The following IQSEC1 variants were observed in gnomAD, a reference collection of about 807,000 sequenced individuals.
IQSEC1 encodes the protein IQ motif and SEC7 domain-containing protein 1.
Under a neutral mutation model 91.0 loss-of-function variants are expected in IQSEC1, and 31 were observed. That is an observed-to-expected ratio of 0.34 (90% CI 0.26 to 0.46). The LOEUF is 0.46. Among genes scored for constraint, IQSEC1 ranks in the 20% least tolerant of loss-of-function variants. The pLI is 1.00. For synonymous variants in IQSEC1, 699 were observed against 662.6 expected, an observed-to-expected ratio of 1.05 and a Z score of -0.84; for missense variants, 1,388 against 1,575.6, an observed-to-expected ratio of 0.88 and a Z score of 2.02.
intron 12 of IQSEC1, among the ~76,000 whole-genome samples, chr3:12,904,368 C>T (rs911112059): frequency 5.3e-5 from 8 of 152,222 alleles, no homozygotes; most frequent in South Asian, 2.1e-4. Flanking sequence ...AAGGGCCACA[C>T]GGCACATCAG....
intron 6 of IQSEC1, among the ~76,000 whole-genome samples, chr3:12,919,793 G>A (rs1294175639): frequency 2.6e-5 from 4 of 152,160 alleles, no homozygotes; most frequent in African/African-American, 9.7e-5. Context: ...GGACACACTG[G>A]GCTGGCACAG....
chr3:13,105,235 T>C (rs1238007903), intron 2 of IQSEC1, among the ~76,000 whole-genome samples: 3 of 152,092 alleles, frequency 2.0e-5, no homozygotes, highest in Non-Finnish European at 4.4e-5. Flanking sequence ...CTCTAGGAAG[T>C]GGGCCCTGAT....
intron 2 of IQSEC1, among the ~76,000 whole-genome samples, chr3:13,130,997 A>AGAAGGAGGGAAG (rs1706604280): frequency 2.2e-5 from 3 of 137,752 alleles, no homozygotes; most frequent in Non-Finnish European, 4.9e-5. Context: ...GAGAAAGAAA[A>AGAAGGAGGGAAG]GAAGGAGGGA....
chr3:12,947,991 T>A, intron 1 of IQSEC1, among the ~76,000 whole-genome samples: 1 of 152,372 alleles, frequency 6.6e-6, no homozygotes, highest in East Asian at 1.9e-4. Flanking sequence ...TTCCTCCTGC[T>A]GCCCCGCCCC....
At chr3:13,158,359 A>G (rs1707116326) in intron 2 of IQSEC1, among the ~76,000 whole-genome samples, 1 of 152,228 alleles carries the variant, frequency 6.6e-6, no homozygotes, top group Non-Finnish European at 1.5e-5. Context: ...TTGTGAACAA[A>G]ATAAACTGTG....
At chr3:13,241,851 G>A (rs534326431) in intron 1 of IQSEC1, among the ~76,000 whole-genome samples, 1 of 152,366 alleles carries the variant, frequency 6.6e-6, no homozygotes, top group South Asian at 2.1e-4. Context: ...GTAGGAAGCA[G>A]CTGTGAAACA....
At chr3:13,160,206 C>T (rs1707151895) in intron 2 of IQSEC1, among the ~76,000 whole-genome samples, 1 of 152,114 alleles carries the variant, frequency 6.6e-6, no homozygotes, top group Admixed American at 6.5e-5. Context: ...GAAAAGCAAA[C>T]CAGAAAGGTG....
Position 12,909,164 on chromosome 3 carries a change from T to G in IQSEC1, c.2578+109A>C, listed in dbSNP as rs547982721. The G allele has an allele frequency of 5.6e-5, 66 of 1,182,156 alleles. No homozygotes were observed. The African/African-American group carries it at 8.5e-4, about 15-fold the overall frequency. The allele number at this position is 1,182,156 out of a possible 1,614,324, so 73.2% of individuals were successfully genotyped here. ...GGCCATAGGGAAGGCCAGAAAAGAC[T>G]GGGGGACATCTTGTCTCTGTGAGCT... is the stretch of plus-strand genomic sequence containing the variant. On this transcript the variant is annotated intron_variant, in intron 11 of 13. Coordinates refer to ENST00000613206, the MANE Select transcript of IQSEC1 (RefSeq NM_001134382.3). The surrounding 1 kb of genome is among the most constrained non-coding windows in gnomAD (Gnocchi z 4.9).
chr3:13,197,706 G>A (rs575177512), intron 1 of IQSEC1, among the ~76,000 whole-genome samples: 3 of 152,344 alleles, frequency 2.0e-5, no homozygotes, highest in African/African-American at 7.2e-5. Context: ...GCACAGGCCA[G>A]GCATGGGTGG....
In IQSEC1 at chr3:12,915,710, G is replaced by A. The variant is rs371136421; in HGVS notation, c.2044C>T (p.Pro682Ser). ...TAGATCCCCATCAGCATCTCACGGG[G>A]AATGTCCTCACCATCGTCCACACCT... ...LRGVDDGEDI[P>S]REMLMGIYER... is the part of the protein sequence containing the mutation. Residue 682 changes from proline (P) to serine (S), a missense_variant, in exon 7 of 14, where the codon CCC becomes TCC. Physicochemically the swap from Pro to Ser is moderately conservative, Grantham distance 74. Coordinates refer to ENST00000613206, the MANE Select transcript of IQSEC1 (RefSeq NM_001134382.3). The A allele has an allele frequency of 6.2e-7, 1 of 1,614,092 alleles. No homozygotes were observed. Among genetic ancestry groups the A allele is most frequent in the Middle Eastern group, 1.7e-4 (1 of 6,060 alleles).
chr3:13,280,790 G>C (rs189581400), intron 1 of IQSEC1, among the ~76,000 whole-genome samples: 56 of 152,358 alleles, frequency 3.7e-4, no homozygotes, highest in Non-Finnish European at 6.9e-4. Flanking sequence ...GCTTGACCTA[G>C]ACCGTGGGCT....
intron 1 of IQSEC1, among the ~76,000 whole-genome samples, chr3:13,012,511 C>T (rs986840043): frequency 6.6e-6 from 1 of 152,214 alleles, no homozygotes; most frequent in Non-Finnish European, 1.5e-5. Flanking sequence ...GCACTGTGAA[C>T]ATCCCCAAGA....
chr3:12,950,646 A>T (rs929817548), intron 1 of IQSEC1, among the ~76,000 whole-genome samples: 4 of 145,982 alleles, frequency 2.7e-5, no homozygotes, highest in Non-Finnish European at 4.5e-5. Flanking sequence ...ATCTCTACAA[A>T]TTTTTTTTTT....
intron 1 of IQSEC1, among the ~76,000 whole-genome samples, chr3:13,200,070 CACACAACATGCATAT>C (rs1370527305): frequency 2.0e-5 from 3 of 147,814 alleles, no homozygotes; most frequent in South Asian, 4.3e-4. Flanking sequence ...CACACACATA[CACACAACATGCATAT>C]ACACAACATG....
At chr3:13,216,201 A>G (rs1019317618) in intron 1 of IQSEC1, among the ~76,000 whole-genome samples, 21 of 152,388 alleles carry the variant, frequency 1.4e-4, no homozygotes, top group African/African-American at 5.0e-4. Context: ...CAATTGCTCA[A>G]CGGTAGGAGG....
At chr3:13,100,122 C>T (rs1267435821) in intron 2 of IQSEC1, among the ~76,000 whole-genome samples, 2 of 147,938 alleles carry the variant, frequency 1.4e-5, no homozygotes, top group Admixed American at 1.3e-4. Flanking sequence ...CTGCGGGAGC[C>T]ATGAGAGCAG....
chr3:13,256,775 G>A (rs543794773), intron 1 of IQSEC1, among the ~76,000 whole-genome samples: 2 of 152,298 alleles, frequency 1.3e-5, no homozygotes, highest in Non-Finnish European at 2.9e-5. Context: ...CCCGTCAGGT[G>A]GCAAACACCA....
chr3:12,944,310 T>G (rs150662522), intron 1 of IQSEC1, among the ~76,000 whole-genome samples: 2 of 152,216 alleles, frequency 1.3e-5, no homozygotes, highest in Admixed American at 6.5e-5. Flanking sequence ...ATTCTATTGC[T>G]AAAGCTTTGA....
At chr3:12,917,770 T>G (rs1696243744) in intron 6 of IQSEC1, among the ~76,000 whole-genome samples, 1 of 152,254 alleles carries the variant, frequency 6.6e-6, no homozygotes, top group African/African-American at 2.4e-5. Flanking sequence ...GGAGCACAAC[T>G]GCTGGATCAT....
Sources: allele counts gnomAD v4.1 joint callset (sites outside exome capture counted in the v4.1 genomes callset), GRCh38; gene constraint gnomAD v4.1.1; non-coding constraint Gnocchi (gnomAD v3.1); transcripts MANE v1.5; gene names NCBI Gene and HGNC (gene_info 2026-07-23, HGNC 2026-07-21).